Variants in RASGRP1 observed in about 807,000 individuals in gnomAD.
RASGRP1 encodes RAS guanyl-releasing protein 1.
In RASGRP1, 37 loss-of-function variants were observed where a neutral mutation model predicts 95.1. The observed-to-expected ratio is 0.39, with a 90% CI of 0.30 to 0.51. The LOEUF is 0.51. Among genes scored for constraint, RASGRP1 ranks in the 20% least tolerant of loss-of-function variants. The probability of loss-of-function intolerance (pLI) is 0.80; values close to 1 mark genes in which losing one functional copy is unlikely to be tolerated. For missense variants in RASGRP1, 711 were observed against 965.4 expected, an observed-to-expected ratio of 0.74 and a Z score of 3.49; for synonymous variants, 325 against 353.4, an observed-to-expected ratio of 0.92 and a Z score of 0.90.
chr15:38,559,396 T>C (rs951157687), intron 2 of RASGRP1, among the ~76,000 whole-genome samples: 3 of 152,202 alleles, frequency 2.0e-5, no homozygotes, highest in Non-Finnish European at 4.4e-5. Flanking sequence ...GCCCTCCAGA[T>C]TGCAAGGGGA....
At chr15:38,504,927 T>C (rs1891193582) in intron 10 of RASGRP1, 1 of 152,254 alleles carries the variant, frequency 6.6e-6, no homozygotes, top group Admixed American at 6.5e-5. Flanking sequence ...AATGTCATTA[T>C]GTGGTGCATG....
intron 2 of RASGRP1, among the ~76,000 whole-genome samples, chr15:38,535,037 T>C (rs1892588817): frequency 6.6e-6 from 1 of 152,192 alleles, no homozygotes; most frequent in Admixed American, 6.5e-5. Flanking sequence ...GATAATGATA[T>C]GTTACGTTTT....
intron 15 of RASGRP1, among the ~76,000 whole-genome samples, chr15:38,497,974 C>T (rs1441911480): frequency 6.6e-6 from 1 of 152,146 alleles, no homozygotes; most frequent in African/African-American, 2.4e-5. Context: ...TTGACAATTA[C>T]CTGCTACCTG....
In RASGRP1 at chr15:38,499,783, G is replaced by A. The variant is rs55853053; in HGVS notation, c.1720+320C>T. On this transcript the variant is annotated intron_variant, in intron 14 of 16. Transcript: ENST00000310803. Reference sequence around the variant, plus strand: ...CCATGTGTCATGGGAGGGACCCAATGGGAGGTAAATGAATCCTGGGGGCGG... The same window carrying A: ...CCATGTGTCATGGGAGGGACCCAATAGGAGGTAAATGAATCCTGGGGGCGG... Among the ~76,000 whole-genome samples, 977 of 152,314 alleles carry A rather than the reference G, an allele frequency of 6.4e-3. 7 individuals are homozygous for A. Among genetic ancestry groups the A allele is most frequent in the Non-Finnish European group, 9.3e-3 (631 of 68,040 alleles).
chr15:38,515,313 G>A (rs1891715096), intron 6 of RASGRP1, among the ~76,000 whole-genome samples: 1 of 152,172 alleles, frequency 6.6e-6, no homozygotes, highest in Non-Finnish European at 1.5e-5. Context: ...AATGGACCCA[G>A]CAACTAGGTG....
chr15:38,562,290 T>A (rs899047400), intron 1 of RASGRP1, among the ~76,000 whole-genome samples: 2 of 152,228 alleles, frequency 1.3e-5, no homozygotes, highest in African/African-American at 4.8e-5. Context: ...CTCAGAACTG[T>A]CCTCAGGTCC....
At chr15:38,504,907 C>T (rs931622777) in intron 10 of RASGRP1, 1 of 152,170 alleles carries the variant, frequency 6.6e-6, no homozygotes, top group Non-Finnish European at 1.5e-5. Flanking sequence ...TGAGGTCTAT[C>T]ACTGACCAAA....
chr15:38,495,660 AAG>A (rs1367376212), intron 15 of RASGRP1, among the ~76,000 whole-genome samples: 1 of 152,248 alleles, frequency 6.6e-6, no homozygotes, highest in Non-Finnish European at 1.5e-5. Flanking sequence ...ATTCTTGCCA[AAG>A]AGAACATAAT....
chr15:38,498,808 T>G lies in RASGRP1; in HGVS notation c.1859A>C (p.Lys620Thr). The change falls in exon 15 of 17, where the codon AAA becomes ACA. Residue 620 changes from lysine (K) to threonine (T), a missense_variant. Physicochemically the swap from Lys to Thr is moderately conservative, Grantham distance 78. This residue lies in a region of RASGRP1 where 212 missense variants were observed against 247.8 expected (regional missense o/e 0.86). Coordinates refer to ENST00000310803, the MANE Select transcript of RASGRP1 (RefSeq NM_005739.4). ...TGCCTACTTACCATGGAGCAGATCT[T>G]TGGCTCCCAATGAGCAAAGGTTGGA... The part of the protein sequence containing the change: ...PVSNLCSLGA[K>T]DLLHAPEEGP... The G allele has an allele frequency of 6.2e-7, 1 of 1,613,530 alleles. No homozygotes were observed. The highest frequency in any genetic ancestry group is 8.5e-7 in the Non-Finnish European group (1 of 1,179,824).
At chr15:38,494,250 TC>T (rs1890708014) in intron 16 of RASGRP1, 131 bp downstream of exon 16, 1 of 1,180,922 alleles carries the variant, frequency 8.5e-7, no homozygotes, top group African/African-American at 1.5e-5. Context: ...TCCCTGTTTC[TC>T]CCCTCCTCCT....
At chr15:38,516,394 T>TA in intron 5 of RASGRP1, 44 bp from the exon 6 acceptor site, 1 of 1,568,138 alleles carries the variant, frequency 6.4e-7, no homozygotes, top group Non-Finnish European at 8.8e-7. Context: ...GGAAAAGGAA[T>TA]AAATCGCTTT....
chr15:38,557,607 G>T (rs896965165), intron 2 of RASGRP1, among the ~76,000 whole-genome samples: 2 of 149,948 alleles, frequency 1.3e-5, no homozygotes, highest in Non-Finnish European at 1.5e-5. Context: ...ATATATGTGT[G>T]TGTGTGTGTG....
At chr15:38,530,514 G>A (rs1258286643) in intron 2 of RASGRP1, among the ~76,000 whole-genome samples, 1 of 152,180 alleles carries the variant, frequency 6.6e-6, no homozygotes, top group Non-Finnish European at 1.5e-5. Context: ...TCTTTACAGT[G>A]TACCCTTCCT....
Position 38,500,124 on chromosome 15 carries a change from T to G in RASGRP1, c.1699A>C (p.Lys567Gln). The G allele has an allele frequency of 6.2e-7, 1 of 1,613,312 alleles. No homozygotes were observed. The highest frequency in any genetic ancestry group is 8.5e-7 in the Non-Finnish European group (1 of 1,179,728). Residue 567 changes from lysine to glutamine, a missense_variant, in exon 14 of 17, where the codon AAA (lysine) becomes CAA (glutamine). By Grantham distance (53) the Lys-to-Gln change is moderately conservative. Coordinates refer to ENST00000310803, the MANE Select transcript of RASGRP1 (RefSeq NM_005739.4). ...NCAGFLWGVI[K>Q]QGYRCKDCGM... is the part of the protein sequence containing the mutation. ...TTACCTTTACATCGATATCCTTGTT[T>G]GATCACTCCCCAGAGCTATGAAACA...
intron 15 of RASGRP1, among the ~76,000 whole-genome samples, chr15:38,498,516 C>T (rs1470400189): frequency 6.6e-6 from 1 of 152,130 alleles, no homozygotes. Flanking sequence ...TAACTTGAGG[C>T]ACTATCTTGG....
chr15:38,498,817 A>G lies in RASGRP1; in HGVS notation c.1850T>C (p.Leu617Ser). ...SVGPVSNLCS[L>S]GAKDLLHAPE... ...ACCATGGAGCAGATCTTTGGCTCCC[A>G]ATGAGCAAAGGTTGGACACTGGCCC... The change falls in exon 15 of 17, where the codon TTG (leucine) becomes TCG (serine). Residue 617 changes from leucine to serine, a missense_variant. Physicochemically the swap from Leu to Ser is moderately radical, Grantham distance 145. Coordinates refer to ENST00000310803, the MANE Select transcript of RASGRP1 (RefSeq NM_005739.4). The G allele has an allele frequency of 6.2e-7, 1 of 1,613,548 alleles. No individual in the cohort carries two copies. The highest frequency in any genetic ancestry group is 8.5e-7 in the Non-Finnish European group (1 of 1,179,830).
intron 1 of RASGRP1, among the ~76,000 whole-genome samples, chr15:38,562,319 T>C (rs889781816): frequency 6.6e-6 from 1 of 152,244 alleles, no homozygotes; most frequent in African/African-American, 2.4e-5. Flanking sequence ...GGACAGACTC[T>C]TTATGGTCAT....
At chr15:38,497,099 A>G (rs1351226903) in intron 15 of RASGRP1, among the ~76,000 whole-genome samples, 1 of 152,186 alleles carries the variant, frequency 6.6e-6, no homozygotes, top group African/African-American at 2.4e-5. Context: ...ACAGCTTCTT[A>G]TATTAAACTG....
intron 2 of RASGRP1, among the ~76,000 whole-genome samples, chr15:38,532,163 C>T (rs575615556): frequency 1.3e-5 from 2 of 152,100 alleles, no homozygotes; most frequent in Non-Finnish European, 2.9e-5. Flanking sequence ...AGAATAATTC[C>T]ATTTTGTTTT....
Sources: gnomAD v4.1 joint callset for allele counts (sites outside exome capture counted in the v4.1 genomes callset) on GRCh38, gnomAD v4.1.1 for gene constraint, gnomAD v4.1.1 regional missense constraint, MANE v1.5 for transcripts, NCBI Gene and HGNC (gene_info 2026-07-23, HGNC 2026-07-21) for gene names.